RXFP1: variants seen among roughly 807,000 people sequenced by gnomAD.
RXFP1 encodes the protein relaxin family peptide receptor 1.
In RXFP1, 73 loss-of-function variants were observed where a neutral mutation model predicts 89.8. That is an observed-to-expected ratio of 0.81 (90% CI 0.67 to 0.99). RXFP1 has a LOEUF of 0.99. Ranked by LOEUF, RXFP1 falls within the 50% of genes least tolerant of loss-of-function variation. The pLI, the probability that RXFP1 is intolerant of heterozygous loss-of-function variation, is 0.00. For missense variants in RXFP1, 793 were observed against 895.5 expected (o/e 0.89, Z 1.46); for synonymous variants, 277 against 305.5 (o/e 0.91, Z 0.97).
intron 3 of RXFP1, among the ~76,000 whole-genome samples, chr4:158,598,699 A>G (rs1761101001): frequency 6.6e-6 from 1 of 152,026 alleles, no homozygotes; most frequent in African/African-American, 2.4e-5. Context: ...CCAACACCAA[A>G]CACCAGTGAA....
chr4:158,617,275 T>G, intron 9 of RXFP1, 70 bp downstream of exon 9: 2 of 1,140,890 alleles, frequency 1.8e-6, no homozygotes, highest in Non-Finnish European at 2.6e-6. Context: ...ATTCCAGATA[T>G]AAGATTGTTT....
chr4:158,648,445 C>A, intron 16 of RXFP1, 54 bp from the exon 17 acceptor site: 1 of 1,073,162 alleles, frequency 9.3e-7, no homozygotes, highest in Non-Finnish European at 1.3e-6. Context: ...TATGTTTGTT[C>A]ATTTTGAAAG....
chr4:158,569,352 C>G (rs1017992003), intron 1 of RXFP1, among the ~76,000 whole-genome samples: 1 of 152,146 alleles, frequency 6.6e-6, no homozygotes, highest in Admixed American at 6.5e-5. Context: ...ATGGTGGATA[C>G]GTGTCATTAT....
At chr4:158,591,210 A>G (rs1759395013) in intron 2 of RXFP1, among the ~76,000 whole-genome samples, 1 of 152,256 alleles carries the variant, frequency 6.6e-6, no homozygotes, top group Admixed American at 6.5e-5. Flanking sequence ...GGGGTAGAAT[A>G]AAAGAGGAGC....
chr4:158,612,256 T>C (rs757771485), intron 7 of RXFP1, 35 bp from the exon 8 acceptor site: 2 of 1,603,780 alleles, frequency 1.2e-6, no homozygotes, highest in Non-Finnish European at 8.5e-7. Flanking sequence ...TCTAGAGATA[T>C]ATAAATGAAT....
chr4:158,610,732 G>A (rs1216282028), intron 6 of RXFP1: 1 of 1,286,694 alleles, frequency 7.8e-7, no homozygotes, highest in East Asian at 5.6e-5. Context: ...TACCTGGAGG[G>A]TTTTTGTATA....
At chr4:158,565,297 A>C (rs1032190314) in intron 1 of RXFP1, among the ~76,000 whole-genome samples, 5 of 152,318 alleles carry the variant, frequency 3.3e-5, no homozygotes, top group Admixed American at 2.0e-4. Context: ...CTGGAGATGA[A>C]CTCATAGTTT....
At chr4:158,551,312 A>G (rs1268869775) in intron 1 of RXFP1, among the ~76,000 whole-genome samples, 1 of 152,114 alleles carries the variant, frequency 6.6e-6, no homozygotes, top group Non-Finnish European at 1.5e-5. Context: ...GGGTCTGGGG[A>G]AAAATGGAGA....
At chr4:158,641,389 A>G (rs1262826075) in intron 14 of RXFP1, among the ~76,000 whole-genome samples, 2 of 152,020 alleles carry the variant, frequency 1.3e-5, no homozygotes, top group Non-Finnish European at 2.9e-5. Context: ...AACTTCTCAA[A>G]AAGGGAGAAG....
At chr4:158,577,724 C>T (rs545487282) in intron 2 of RXFP1, among the ~76,000 whole-genome samples, 3 of 151,798 alleles carry the variant, frequency 2.0e-5, no homozygotes, top group African/African-American at 4.8e-5. Flanking sequence ...TTAGGGATAT[C>T]GCTGAAAAAA....
At position 158,581,319 on chromosome 4, in the gene RXFP1, G is replaced by T. The variant is rs531620797; in HGVS notation, c.187+8484G>T. ...GGAAGGAAAATGGAAGTACAGAGAG[G>T]TTACATAACTCTTCTGACATCATGG... On this transcript the variant is annotated intron_variant, in intron 2 of 17. Coordinates refer to ENST00000307765, the MANE Select transcript of RXFP1 (RefSeq NM_021634.4). Among the ~76,000 whole-genome samples, 7 of 152,278 alleles carry T rather than the reference G, an allele frequency of 4.6e-5. No individual in the cohort carries two copies. The East Asian group carries it at 1.3e-3, about 29-fold the overall frequency.
At chr4:158,594,140 A>C (rs1239881384) in intron 3 of RXFP1, among the ~76,000 whole-genome samples, 2 of 152,280 alleles carry the variant, frequency 1.3e-5, no homozygotes, top group Admixed American at 6.5e-5. Flanking sequence ...GCTTTTCAAA[A>C]CCTTGGTTTA....
intron 6 of RXFP1, chr4:158,610,821 G>A: frequency 1.4e-6 from 1 of 690,526 alleles, no homozygotes; most frequent in Non-Finnish European, 2.1e-6. Flanking sequence ...AAGGAGGGAA[G>A]GAAGAGGCTC....
intron 2 of RXFP1, among the ~76,000 whole-genome samples, chr4:158,593,191 T>C (rs555207560): frequency 6.6e-6 from 1 of 152,146 alleles, no homozygotes; most frequent in South Asian, 2.1e-4. Flanking sequence ...AAATTTAAAA[T>C]GGTGACTAGG....
rs1752754547 is a variant in RXFP1, at chr4:158,562,709, A to G, written c.50-9989A>G. ...ATGATTCCACCTGAAGCTTTTGTTA[A>G]AGGAACCCCGAGTGCACACCCATCC... is the stretch of plus-strand genomic sequence containing the variant. On this transcript the variant is annotated intron_variant, in intron 1 of 17. Transcript: ENST00000307765. Among the ~76,000 whole-genome samples, 3 of 151,992 alleles carry G rather than the reference A, an allele frequency of 2.0e-5. No homozygotes were observed. The South Asian group carries it at 6.2e-4, about 32-fold the overall frequency.
intron 9 of RXFP1, among the ~76,000 whole-genome samples, chr4:158,617,626 A>G (rs939096437): frequency 6.1e-5 from 9 of 146,674 alleles, no homozygotes; most frequent in Non-Finnish European, 8.8e-5. Flanking sequence ...TCAAAAACTA[A>G]TCATGATAAA....
In RXFP1 at chr4:158,645,109, T is replaced by C; in HGVS notation, c.1316T>C (p.Leu439Pro). ...MRPYIRSENK[L>P]YAMSIISLCC... Reference sequence around the variant, plus strand: ...CCTTATATCAGGTCTGAGAACAAGCTGTATGCCATGTCAATCATTTCTCTC... The same window carrying C: ...CCTTATATCAGGTCTGAGAACAAGCCGTATGCCATGTCAATCATTTCTCTC... The change falls in exon 15 of 18, where the codon CTG becomes CCG. Residue 439 changes from leucine (L) to proline (P), a missense_variant. By Grantham distance (98) the Leu-to-Pro change is moderately conservative. Coordinates refer to ENST00000307765, the MANE Select transcript of RXFP1 (RefSeq NM_021634.4). The C allele has an allele frequency of 6.2e-7, 1 of 1,613,798 alleles. No individual in the cohort carries two copies. Among genetic ancestry groups the C allele is most frequent in the Non-Finnish European group, 8.5e-7 (1 of 1,179,658 alleles).
At chr4:158,636,127 G>T (rs1344771476) in intron 12 of RXFP1, among the ~76,000 whole-genome samples, 2 of 152,042 alleles carry the variant, frequency 1.3e-5, no homozygotes, top group African/African-American at 4.8e-5. Context: ...AAGAAGGCAG[G>T]TGCTTGTAGT....
intron 9 of RXFP1, among the ~76,000 whole-genome samples, chr4:158,621,531 A>C (rs761196284): frequency 1.1e-4 from 17 of 152,250 alleles, no homozygotes; most frequent in Non-Finnish European, 2.4e-4. Context: ...TGCCAATAGA[A>C]TATACAAAGC....
Sources: gnomAD v4.1 joint callset for allele counts (sites outside exome capture counted in the v4.1 genomes callset) on GRCh38, gnomAD v4.1.1 for gene constraint, MANE v1.5 for transcripts, NCBI Gene and HGNC (gene_info 2026-07-23, HGNC 2026-07-21) for gene names.